CDK8: variants seen among roughly 807,000 people sequenced by gnomAD.
CDK8 encodes the protein cyclin-dependent kinase 8.
CDK8 carries 29 observed loss-of-function variants against 71.5 expected under a neutral mutation model. The observed-to-expected ratio is 0.41, with a 90% CI of 0.30 to 0.55. The LOEUF (loss-of-function observed/expected upper bound fraction) is 0.55, where lower values mean the gene tolerates loss of function less well. Among genes scored for constraint, CDK8 ranks in the 20% least tolerant of loss-of-function variants. CDK8 has a pLI of 0.37. For missense variants in CDK8, 288 were observed against 572.6 expected, an observed-to-expected ratio of 0.50 and a Z score of 5.07; for synonymous variants, 161 against 192.1, an observed-to-expected ratio of 0.84 and a Z score of 1.34.
chr13:26,396,479 TTACTC>T (rs1875999093), intron 8 of CDK8, 125 bp downstream of exon 8: 3 of 369,174 alleles, frequency 8.1e-6, no homozygotes, highest in South Asian at 1.3e-4. Flanking sequence ...TTTTACTTAT[TTACTC>T]TAATAAATAT....
In CDK8 at chr13:26,306,995, TAGG is replaced by T. The variant is rs767533598; in HGVS notation, c.129-30569_129-30567del. Among the ~76,000 whole-genome samples the T allele has an allele frequency of 2.3e-4, 35 of 152,262 alleles. 1 individual carries two copies. The highest frequency in any genetic ancestry group is 1.0e-3 in the Admixed American group (16 of 15,290). ...CTATGAAAGTTTTGAAAAGTTGTCTTAGGAGAGAAACTCATATTAAAAGCTTTT... is the reference window on the plus strand; with the variant it reads ...CTATGAAAGTTTTGAAAAGTTGTCTTAGAGAAACTCATATTAAAAGCTTTT... On this transcript the variant is annotated intron_variant, in intron 1 of 12. Coordinates refer to ENST00000381527, the MANE Select transcript of CDK8 (RefSeq NM_001260.3).
intron 1 of CDK8, among the ~76,000 whole-genome samples, chr13:26,289,846 G>A (rs561062784): frequency 1.3e-5 from 2 of 152,228 alleles, no homozygotes; most frequent in African/African-American, 4.8e-5. Context: ...CACGGTGCCC[G>A]GCCGAAATTT....
At chr13:26,336,609 A>C (rs1873000103) in intron 1 of CDK8, among the ~76,000 whole-genome samples, 1 of 141,050 alleles carries the variant, frequency 7.1e-6, no homozygotes, top group Non-Finnish European at 1.5e-5. Context: ...GCTGGACTGC[A>C]GTGGCGTGAT....
chr13:26,355,276 A>T (rs1358923897), intron 4 of CDK8, among the ~76,000 whole-genome samples: 3 of 152,218 alleles, frequency 2.0e-5, no homozygotes, highest in Admixed American at 2.0e-4. Context: ...TTGTTTCTTT[A>T]TGCAAACTTT....
intron 1 of CDK8, among the ~76,000 whole-genome samples, chr13:26,299,052 C>A (rs375765956): frequency 1.3e-5 from 2 of 152,154 alleles, no homozygotes; most frequent in Non-Finnish European, 2.9e-5. Context: ...TTTTGAACTA[C>A]CATAAAGGCT....
chr13:26,306,950 C>T (rs1304058130), intron 1 of CDK8, among the ~76,000 whole-genome samples: 2 of 152,156 alleles, frequency 1.3e-5, no homozygotes, highest in East Asian at 1.9e-4. Flanking sequence ...CTTGAGTGAT[C>T]TTACTGAAAT....
intron 1 of CDK8, among the ~76,000 whole-genome samples, chr13:26,276,837 G>A (rs1872579057): frequency 6.6e-6 from 1 of 152,128 alleles, no homozygotes; most frequent in Non-Finnish European, 1.5e-5. Flanking sequence ...ACTGACATAA[G>A]TATTTATGTA....
intron 1 of CDK8, among the ~76,000 whole-genome samples, chr13:26,280,721 G>A (rs1259092460): frequency 6.6e-6 from 1 of 152,176 alleles, no homozygotes; most frequent in African/African-American, 2.4e-5. Flanking sequence ...AATATAAAAT[G>A]TATACACAGC....
At chr13:26,377,906 A>C (rs1234177051) in intron 4 of CDK8, among the ~76,000 whole-genome samples, 1 of 152,232 alleles carries the variant, frequency 6.6e-6, no homozygotes, top group South Asian at 2.1e-4. Context: ...TAGAAAGTTT[A>C]CCACCAGGCT....
intron 1 of CDK8, among the ~76,000 whole-genome samples, chr13:26,335,664 T>C (rs993502877): frequency 1.3e-5 from 2 of 152,152 alleles, no homozygotes; most frequent in African/African-American, 4.8e-5. Flanking sequence ...TTGTAGCCTG[T>C]GGCAGAAATC....
intron 1 of CDK8, among the ~76,000 whole-genome samples, chr13:26,283,150 A>G (rs1872836328): frequency 6.6e-6 from 1 of 152,258 alleles, no homozygotes; most frequent in South Asian, 2.1e-4. Context: ...TCATCAAGAC[A>G]GAAAGTCAAC....
chr13:26,368,803 T>C lies in CDK8; in HGVS notation c.457-14011T>C, dbSNP rs74042641. On this transcript the variant is annotated intron_variant, in intron 4 of 12. Transcript: ENST00000381527. Reference sequence around the variant, plus strand: ...GTTGTTTGTTTCTAAATCAATAATATTGCTTTTTCTGCGTCTTCTGGGATG... The same window carrying C: ...GTTGTTTGTTTCTAAATCAATAATACTGCTTTTTCTGCGTCTTCTGGGATG... Among the ~76,000 whole-genome samples the C allele has an allele frequency of 3.9e-3, 593 of 152,290 alleles. 4 individuals are homozygous for C. Among genetic ancestry groups the C allele is most frequent in the Non-Finnish European group, 5.7e-3 (389 of 68,022 alleles).
chr13:26,269,863 T>C (rs915930590), intron 1 of CDK8, among the ~76,000 whole-genome samples: 4 of 151,976 alleles, frequency 2.6e-5, no homozygotes, highest in Non-Finnish European at 5.9e-5. Flanking sequence ...AGTTACTTAT[T>C]ATTTATTTAT....
intron 4 of CDK8, among the ~76,000 whole-genome samples, chr13:26,363,118 G>A (rs1427293036): frequency 4.0e-5 from 6 of 149,192 alleles, no homozygotes; most frequent in South Asian, 2.1e-4. Context: ...TCAAGAGATC[G>A]AGACCATCCT....
At position 26,268,829 on chromosome 13, in the gene CDK8, A is replaced by G. The variant is rs2137866513; in HGVS notation, c.128+14060A>G. 2.6e-5 allele frequency among the ~76,000 whole-genome samples: 4 copies of G among 152,228 alleles called. No homozygotes were observed. The Middle Eastern group carries it at 0.01, about 388-fold the overall frequency. Reference sequence around the variant, plus strand: ...TTGGTATTCTACCTCCATGCAGTTTATTTAGCACTGACCTGTAGTTCTCTT... The same window carrying G: ...TTGGTATTCTACCTCCATGCAGTTTGTTTAGCACTGACCTGTAGTTCTCTT... On this transcript the variant is annotated intron_variant, in intron 1 of 12. Coordinates refer to ENST00000381527, the MANE Select transcript of CDK8 (RefSeq NM_001260.3).
At chr13:26,371,711 G>C (rs770607553) in intron 4 of CDK8, among the ~76,000 whole-genome samples, 1 of 152,106 alleles carries the variant, frequency 6.6e-6, no homozygotes, top group Non-Finnish European at 1.5e-5. Context: ...CGCCTCCCGG[G>C]TTCAAGTGAT....
At chr13:26,270,459 TGCA>T (rs1872260634) in intron 1 of CDK8, among the ~76,000 whole-genome samples, 1 of 152,042 alleles carries the variant, frequency 6.6e-6, no homozygotes, top group African/African-American at 2.4e-5. Context: ...CACAGGGTTG[TGCA>T]GCTATTACCG....
chr13:26,393,117 T>C (rs1875827911), intron 6 of CDK8, among the ~76,000 whole-genome samples: 2 of 152,098 alleles, frequency 1.3e-5, no homozygotes, highest in African/African-American at 4.8e-5. Flanking sequence ...TTGGGTGGTA[T>C]GGAGGTATAC....
chr13:26,365,552 G>C (rs1224958757), intron 4 of CDK8, among the ~76,000 whole-genome samples: 1 of 152,012 alleles, frequency 6.6e-6, no homozygotes, highest in East Asian at 1.9e-4. Context: ...ATCAAGAATG[G>C]TTATTCTAAA....
Sources: gnomAD v4.1 joint callset for allele counts (sites outside exome capture counted in the v4.1 genomes callset) on GRCh38, gnomAD v4.1.1 for gene constraint, MANE v1.5 for transcripts, NCBI Gene and HGNC (gene_info 2026-07-23, HGNC 2026-07-21) for gene names.